Variants in AGBL4 observed in about 807,000 individuals in gnomAD.
The protein encoded by AGBL4 is AGBL carboxypeptidase 4.
A neutral mutation model predicts 66.4 loss-of-function variants in AGBL4; 58 were observed. That is an observed-to-expected ratio of 0.87 (90% confidence interval 0.71 to 1.09). The LOEUF (loss-of-function observed/expected upper bound fraction) is 1.09. Among genes scored for constraint, AGBL4 ranks in the 50% least tolerant of loss-of-function variants. AGBL4 has a pLI of 0.00. For synonymous variants in AGBL4, 234 were observed against 222.9 expected, an observed-to-expected ratio of 1.05 and a Z score of -0.44; for missense variants, 579 against 631.0, an observed-to-expected ratio of 0.92 and a Z score of 0.88.
At chr1:50,015,502 A>T (rs1014309520) in intron 1 of AGBL4, among the ~76,000 whole-genome samples, 1 of 152,192 alleles carries the variant, frequency 6.6e-6, no homozygotes, top group Non-Finnish European at 1.5e-5. Context: ...ACAAAATATT[A>T]AAAAATTAGC....
At chr1:49,034,219 C>T (rs1237606094) in intron 5 of AGBL4, among the ~76,000 whole-genome samples, 3 of 152,052 alleles carry the variant, frequency 2.0e-5, no homozygotes, top group African/African-American at 2.4e-5. Flanking sequence ...GAAATGGGGA[C>T]AGGGATTATA....
intron 5 of AGBL4, among the ~76,000 whole-genome samples, chr1:48,963,376 CT>C (rs1192845489): frequency 6.6e-6 from 1 of 152,134 alleles, no homozygotes; most frequent in African/African-American, 2.4e-5. Flanking sequence ...TATAGCACTC[CT>C]TGAATGCCCA....
chr1:49,120,871 T>C (rs924818866), intron 4 of AGBL4, among the ~76,000 whole-genome samples: 2 of 152,238 alleles, frequency 1.3e-5, no homozygotes, highest in African/African-American at 4.8e-5. Context: ...TCTTTTCTCA[T>C]AGTCCCATAT....
At chr1:49,646,512 A>C (rs1017994176) in intron 3 of AGBL4, among the ~76,000 whole-genome samples, 1 of 151,942 alleles carries the variant, frequency 6.6e-6, no homozygotes, top group Non-Finnish European at 1.5e-5. Context: ...TAAAACTGCA[A>C]AACACCTCTT....
chr1:48,736,218 T>A lies in AGBL4; in HGVS notation c.635-72977A>T. ...GTAAAAGACAGAATCCCAGCCATTG[T>A]GTTTCCACTCAGTGACCTACCTCTG... On this transcript the variant is annotated intron_variant, in intron 6 of 13. Transcript: ENST00000371839. This position sits in a 1 kb window ranked among gnomAD's most constrained non-coding sequence, Gnocchi z 4.0. The A allele has an allele frequency of 6.2e-7, 1 of 1,600,102 alleles. No individual in the cohort carries two copies. The highest frequency in any genetic ancestry group is 8.6e-7 in the Non-Finnish European group (1 of 1,167,352).
chr1:49,209,667 T>C (rs1245559510), intron 4 of AGBL4, among the ~76,000 whole-genome samples: 1 of 152,106 alleles, frequency 6.6e-6, no homozygotes, highest in Non-Finnish European at 1.5e-5. Context: ...TTAGAGATTA[T>C]GCAAAAGTGG....
At chr1:49,550,915 T>A (rs1236105622) in intron 3 of AGBL4, among the ~76,000 whole-genome samples, 1 of 152,140 alleles carries the variant, frequency 6.6e-6, no homozygotes, top group African/African-American at 2.4e-5. Context: ...TAGAATTCTC[T>A]TCTCCCTAGG....
At chr1:49,674,964 T>C (rs1646551687) in intron 3 of AGBL4, among the ~76,000 whole-genome samples, 1 of 152,166 alleles carries the variant, frequency 6.6e-6, no homozygotes, top group Non-Finnish European at 1.5e-5. Context: ...TACACTGAGA[T>C]AAGAAATTAG....
At chr1:49,969,372 A>AGTGT (rs555067977) in intron 1 of AGBL4, among the ~76,000 whole-genome samples, 2 of 151,234 alleles carry the variant, frequency 1.3e-5, no homozygotes, top group African/African-American at 2.4e-5. Context: ...TGTCTGTGTG[A>AGTGT]GTGTGTGTGT....
chr1:49,656,581 G>A (rs1403683783), intron 3 of AGBL4, among the ~76,000 whole-genome samples: 1 of 152,138 alleles, frequency 6.6e-6, no homozygotes, highest in Non-Finnish European at 1.5e-5. Context: ...CAATATCCCT[G>A]ATGAACGTTG....
chr1:49,678,542 G>A (rs1646625028), intron 3 of AGBL4, among the ~76,000 whole-genome samples: 1 of 152,006 alleles, frequency 6.6e-6, no homozygotes, highest in East Asian at 1.9e-4. Context: ...TTGAAGGAAG[G>A]AGCTTAGATT....
At chr1:48,867,576 T>C (rs968294220) in intron 5 of AGBL4, among the ~76,000 whole-genome samples, 5 of 152,198 alleles carry the variant, frequency 3.3e-5, no homozygotes, top group Non-Finnish European at 7.3e-5. Flanking sequence ...CTCATTCTTC[T>C]GTACCAGATA....
intron 4 of AGBL4, among the ~76,000 whole-genome samples, chr1:49,083,630 A>AT (rs1644846889): frequency 6.6e-6 from 1 of 152,192 alleles, no homozygotes; most frequent in Non-Finnish European, 1.5e-5. Context: ...TTGTGATAGG[A>AT]GGGGCTGCCA....
intron 3 of AGBL4, among the ~76,000 whole-genome samples, chr1:49,631,791 A>T (rs1446248637): frequency 1.3e-5 from 2 of 152,212 alleles, no homozygotes; most frequent in Non-Finnish European, 2.9e-5. Context: ...AGAATCTCAT[A>T]CTGCAACATG....
chr1:49,342,043 C>A (rs1405564282), intron 3 of AGBL4, among the ~76,000 whole-genome samples: 1 of 152,130 alleles, frequency 6.6e-6, no homozygotes. Flanking sequence ...CAGATTGAAA[C>A]CGTTGATCAT....
At chr1:48,799,667 C>T (rs992865952) in intron 6 of AGBL4, among the ~76,000 whole-genome samples, 1 of 152,104 alleles carries the variant, frequency 6.6e-6, no homozygotes, top group African/African-American at 2.4e-5. Context: ...TGAGATATGA[C>T]ACTTCTATGC....
intron 4 of AGBL4, among the ~76,000 whole-genome samples, chr1:49,088,875 A>G (rs1644953255): frequency 6.6e-6 from 1 of 152,108 alleles, no homozygotes; most frequent in Non-Finnish European, 1.5e-5. Context: ...CAGCAAATTA[A>G]AAAAAATCAA....
chr1:49,087,437 A>C (rs1275644322), intron 4 of AGBL4, among the ~76,000 whole-genome samples: 1 of 152,246 alleles, frequency 6.6e-6, no homozygotes, highest in Non-Finnish European at 1.5e-5. Context: ...TCAGAATTTC[A>C]TAATACAATT....
chr1:49,136,963 G>A (rs1414033808), intron 4 of AGBL4, among the ~76,000 whole-genome samples: 1 of 152,106 alleles, frequency 6.6e-6, no homozygotes, highest in African/African-American at 2.4e-5. Context: ...TAATAAAAAT[G>A]AAATCTATGA....
Sources: gnomAD v4.1 joint callset for allele counts (sites outside exome capture counted in the v4.1 genomes callset) on GRCh38, gnomAD v4.1.1 for gene constraint, Gnocchi (gnomAD v3.1) non-coding constraint, MANE v1.5 for transcripts, NCBI Gene and HGNC (gene_info 2026-07-23, HGNC 2026-07-21) for gene names.